KLHL2: variants seen among roughly 807,000 people sequenced by gnomAD.
KLHL2 encodes kelch like family member 2, also known as kelch-like protein 2.
Under a neutral mutation model 75.8 loss-of-function variants are expected in KLHL2, and 15 were observed. That is an observed-to-expected ratio of 0.20 (90% CI 0.13 to 0.30). The LOEUF is 0.30. Among genes scored for constraint, KLHL2 ranks in the 10% least tolerant of loss-of-function variants. The probability of loss-of-function intolerance (pLI) is 1.00; values close to 1 mark genes in which losing one functional copy is unlikely to be tolerated. For missense variants in KLHL2, 381 were observed against 741.0 expected (o/e 0.51, Z 5.64); for synonymous variants, 214 against 251.9 (o/e 0.85, Z 1.42).
At chr4:165,264,676 A>G (rs1742011393) in intron 5 of KLHL2, among the ~76,000 whole-genome samples, 1 of 79,022 alleles carries the variant, frequency 1.3e-5, no homozygotes, top group African/African-American at 3.9e-5. Flanking sequence ...CTACATACGT[A>G]TATGTATGTG....
rs200372366 is a variant in KLHL2, at chr4:165,297,597, A to G, written c.655-12A>G. 3 of 1,529,888 alleles carry G rather than the reference A, an allele frequency of 2.0e-6. No individual in the cohort carries two copies. Among genetic ancestry groups the G allele is most frequent in the South Asian group, 1.1e-5 (1 of 89,328 alleles). The allele number at this position is 1,529,888 out of a possible 1,614,324, so 94.8% of individuals were successfully genotyped here. On this transcript the variant is annotated splice_polypyrimidine_tract_variant and intron_variant, in intron 6 of 14. Transcript: ENST00000226725. ...CATTTCTTATTTTTTCTTCTCCTAT[A>G]TTTTCTGCAAGGTATTTGAAGCAGT...
intron 5 of KLHL2, among the ~76,000 whole-genome samples, chr4:165,264,719 T>TACATATATATATATATATATATAC (rs1742049561): frequency 2.6e-5 from 2 of 78,242 alleles, no homozygotes; most frequent in African/African-American, 4.7e-5. Flanking sequence ...TATATATATA[T>TACATATATATATATATATATATAC]ACATATATAT....
chr4:165,311,592 C>T (rs757973521), intron 11 of KLHL2, 27 bp downstream of exon 11: 1 of 1,519,226 alleles, frequency 6.6e-7, no homozygotes. Context: ...CTTTCAGGTA[C>T]ATGTGGCATT....
intron 5 of KLHL2, among the ~76,000 whole-genome samples, chr4:165,264,049 C>T (rs1288241411): frequency 6.6e-6 from 1 of 151,846 alleles, no homozygotes; most frequent in African/African-American, 2.4e-5. Context: ...CCCTTCAGAC[C>T]CCTCATCTCT....
chr4:165,322,383 G>A lies in KLHL2; in HGVS notation c.*323G>A. 1 of 232,456 alleles carries A rather than the reference G, an allele frequency of 4.3e-6. No individual in the cohort carries two copies. The highest frequency in any genetic ancestry group is 9.1e-5 in the East Asian group (1 of 11,032). The allele number at this position is 232,456 out of a possible 1,614,324, so 14.4% of individuals were successfully genotyped here. A position where few individuals can be genotyped will look rare whatever the true frequency, so the allele number is the denominator to read the frequency against. On this transcript the variant is annotated 3_prime_UTR_variant, in exon 15 of 15. Coordinates refer to ENST00000226725, the MANE Select transcript of KLHL2 (RefSeq NM_007246.4). Reference sequence around the variant, plus strand: ...ACCTTGAATGACTACAGATTATTTTGTGAAGGAGGATGAAGTAATGTGTGT... The same window carrying A: ...ACCTTGAATGACTACAGATTATTTTATGAAGGAGGATGAAGTAATGTGTGT...
chr4:165,265,098 G>T (rs1270502555), intron 5 of KLHL2, among the ~76,000 whole-genome samples: 1 of 151,838 alleles, frequency 6.6e-6, no homozygotes, highest in Non-Finnish European at 1.5e-5. Context: ...TCTCGCTGAG[G>T]TTTTAATTTG....
chr4:165,210,089 A>G, intron 1 of KLHL2: 2 of 1,551,544 alleles, frequency 1.3e-6, no homozygotes, highest in Non-Finnish European at 1.7e-6. Context: ...ATGAAGTTAG[A>G]TTTTTAGCCT....
chr4:165,238,155 C>A (rs1454306123), intron 3 of KLHL2, among the ~76,000 whole-genome samples: 1 of 152,176 alleles, frequency 6.6e-6, no homozygotes, highest in Non-Finnish European at 1.5e-5. Flanking sequence ...GCTAGAAGAT[C>A]TCTGTAACAA....
At chr4:165,279,284 G>T in intron 5 of KLHL2, 1 of 1,539,852 alleles carries the variant, frequency 6.5e-7, no homozygotes, top group Non-Finnish European at 9.0e-7. Flanking sequence ...CTCAACGGTA[G>T]ACTGTGTTCT....
intron 5 of KLHL2, among the ~76,000 whole-genome samples, chr4:165,292,191 A>G (rs964272446): frequency 3.3e-5 from 5 of 152,156 alleles, no homozygotes; most frequent in Admixed American, 6.5e-5. Context: ...CTTCAATTTC[A>G]TATTTATTTC....
intron 12 of KLHL2, 90 bp from the exon 13 acceptor site, chr4:165,313,936 A>G: frequency 1.5e-6 from 2 of 1,317,494 alleles, no homozygotes; most frequent in Admixed American, 5.0e-5. Context: ...TAACTTCGAA[A>G]GTTTTAGTTA....
At chr4:165,246,066 TAGAG>T (rs1232480859) in intron 4 of KLHL2, among the ~76,000 whole-genome samples, 1 of 152,034 alleles carries the variant, frequency 6.6e-6, no homozygotes, top group Non-Finnish European at 1.5e-5. Flanking sequence ...TACCCATAGA[TAGAG>T]AAACAGGTGA....
At chr4:165,234,707 C>A (rs28472332) in intron 3 of KLHL2, among the ~76,000 whole-genome samples, 1 of 148,718 alleles carries the variant, frequency 6.7e-6, no homozygotes, top group African/African-American at 2.5e-5. Context: ...CTCCGTCTCC[C>A]GGTTTCAAGC....
chr4:165,275,098 A>ATTTATTTTAT (rs201930063), intron 5 of KLHL2, among the ~76,000 whole-genome samples: 2,066 of 146,718 alleles, frequency 0.014, 29 homozygotes, highest in South Asian at 0.018. Context: ...CTCCTGAAAG[A>ATTTATTTTAT]TTTATTTTAT....
At chr4:165,298,480 G>GT (rs142371095) in intron 7 of KLHL2, among the ~76,000 whole-genome samples, 11,511 of 151,812 alleles carry the variant, frequency 0.076, 553 homozygotes, top group Middle Eastern at 0.15. Context: ...TAAATTTACT[G>GT]TTTTTTTTAT....
intron 1 of KLHL2, among the ~76,000 whole-genome samples, chr4:165,216,128 G>A (rs1239717547): frequency 1.3e-5 from 2 of 152,178 alleles, no homozygotes; most frequent in African/African-American, 4.8e-5. Context: ...TGGAAATCTT[G>A]ACTATTTGAG....
intron 5 of KLHL2, among the ~76,000 whole-genome samples, chr4:165,284,333 A>C (rs1476453715): frequency 6.6e-6 from 1 of 152,164 alleles, no homozygotes; most frequent in Non-Finnish European, 1.5e-5. Flanking sequence ...ACAGTACCCA[A>C]GTCACCTCTT....
intron 8 of KLHL2, among the ~76,000 whole-genome samples, chr4:165,303,328 T>TA (rs966967293): frequency 4.3e-4 from 66 of 152,256 alleles, no homozygotes; most frequent in African/African-American, 1.6e-3. Context: ...TCAAAAAATT[T>TA]AAAAAATGTT....
intron 14 of KLHL2, chr4:165,321,236 C>T (rs1746954518): frequency 2.2e-6 from 1 of 455,232 alleles, no homozygotes; most frequent in Non-Finnish European, 4.4e-6. Context: ...CCTTCCCTTC[C>T]ACCTCCTCCA....
Sources: gnomAD v4.1 joint callset for allele counts (sites outside exome capture counted in the v4.1 genomes callset) on GRCh38, gnomAD v4.1.1 for gene constraint, MANE v1.5 for transcripts, NCBI Gene and HGNC (gene_info 2026-07-23, HGNC 2026-07-21) for gene names.